The following MDGA2 variants were observed in gnomAD, a reference collection of about 807,000 sequenced individuals.
MDGA2 encodes the protein MAM domain-containing glycosylphosphatidylinositol anchor protein 2.
Under a neutral mutation model 117.8 loss-of-function variants are expected in MDGA2, and 40 were observed. The observed-to-expected ratio is 0.34, with a 90% CI of 0.26 to 0.44. The LOEUF (loss-of-function observed/expected upper bound fraction) is 0.44, where lower values mean the gene tolerates loss of function less well. MDGA2 is among the 20% of genes least tolerant of loss of function. MDGA2 has a pLI of 1.00. For synonymous variants in MDGA2, 452 were observed against 439.0 expected, an observed-to-expected ratio of 1.03 and a Z score of -0.37; for missense variants, 1,123 against 1,250.6, an observed-to-expected ratio of 0.90 and a Z score of 1.54.
At chr14:47,015,352 C>G (rs527243708) in intron 8 of MDGA2, among the ~76,000 whole-genome samples, 1 of 149,354 alleles carries the variant, frequency 6.7e-6, no homozygotes, top group Admixed American at 6.7e-5. Context: ...CATAGACTTG[C>G]TGGAAACGAA....
At chr14:47,625,589 T>C (rs568857359) in intron 1 of MDGA2, among the ~76,000 whole-genome samples, 105 of 152,314 alleles carry the variant, frequency 6.9e-4, no homozygotes, top group Non-Finnish European at 1.2e-3. Flanking sequence ...AATAGACATA[T>C]AAAGATTCAC....
intron 1 of MDGA2, among the ~76,000 whole-genome samples, chr14:47,343,910 T>C (rs1166146503): frequency 6.6e-6 from 1 of 152,194 alleles, no homozygotes; most frequent in Admixed American, 6.5e-5. Flanking sequence ...AGCTATTCAC[T>C]ATTCAATTCA....
intron 10 of MDGA2, among the ~76,000 whole-genome samples, chr14:46,894,134 C>G (rs12884275): frequency 8.6e-5 from 13 of 151,776 alleles, no homozygotes; most frequent in Non-Finnish European, 1.8e-4. Context: ...ATATTTTACA[C>G]ATTATTTTAA....
chr14:47,177,034 A>T (rs1212457926), intron 3 of MDGA2, among the ~76,000 whole-genome samples: 1 of 151,822 alleles, frequency 6.6e-6, no homozygotes, highest in Non-Finnish European at 1.5e-5. Context: ...TTATGCAGCC[A>T]AAAAACACAT....
At chr14:47,111,304 T>C (rs559224168) in intron 5 of MDGA2, among the ~76,000 whole-genome samples, 1 of 152,256 alleles carries the variant, frequency 6.6e-6, no homozygotes. Context: ...GTAGGTAAAC[T>C]CCAATGCAAA....
chr14:47,660,911 T>C (rs2138291255), intron 1 of MDGA2, among the ~76,000 whole-genome samples: 1 of 152,268 alleles, frequency 6.6e-6, no homozygotes, highest in South Asian at 2.1e-4. Flanking sequence ...GAGAGAGTCC[T>C]CAGTATGGGC....
chr14:47,003,140 A>G (rs1428456126), intron 8 of MDGA2, among the ~76,000 whole-genome samples: 2 of 152,176 alleles, frequency 1.3e-5, no homozygotes, highest in East Asian at 1.9e-4. Flanking sequence ...TCCATGAAGA[A>G]TAACTATTTT....
intron 1 of MDGA2, among the ~76,000 whole-genome samples, chr14:47,398,359 T>G (rs1892060808): frequency 6.6e-6 from 1 of 152,202 alleles, no homozygotes; most frequent in South Asian, 2.1e-4. Context: ...CAGGCAGACC[T>G]GGGTCCTAGT....
chr14:47,191,431 T>TAC (rs1462294096), intron 3 of MDGA2, among the ~76,000 whole-genome samples: 2 of 148,726 alleles, frequency 1.3e-5, no homozygotes, highest in African/African-American at 4.9e-5. Flanking sequence ...TATATATATA[T>TAC]ATATATGAAA....
intron 8 of MDGA2, among the ~76,000 whole-genome samples, chr14:47,033,534 T>C (rs1006650361): frequency 3.9e-5 from 6 of 152,218 alleles, no homozygotes; most frequent in Non-Finnish European, 8.8e-5. Flanking sequence ...AGTTTCACTC[T>C]CTTTCTTTTC....
chr14:46,972,036 T>A (rs928850946), intron 8 of MDGA2, among the ~76,000 whole-genome samples: 3 of 152,132 alleles, frequency 2.0e-5, no homozygotes, highest in Non-Finnish European at 2.9e-5. Flanking sequence ...TAGTCAACTA[T>A]CAAACCTGAG....
intron 1 of MDGA2, among the ~76,000 whole-genome samples, chr14:47,619,126 C>G (rs1458363215): frequency 7.6e-6 from 1 of 131,102 alleles, no homozygotes; most frequent in African/African-American, 2.5e-5. Flanking sequence ...TACACACACA[C>G]ACACACACAC....
intron 8 of MDGA2, 87 bp downstream of exon 8, chr14:47,034,924 A>G: frequency 8.1e-7 from 1 of 1,232,472 alleles, no homozygotes; most frequent in East Asian, 2.3e-5. Context: ...ATCTAGTTAC[A>G]AAAATCACCT....
chr14:47,542,015 G>A (rs1028357206), intron 1 of MDGA2, among the ~76,000 whole-genome samples: 1 of 152,006 alleles, frequency 6.6e-6, no homozygotes, highest in Non-Finnish European at 1.5e-5. Context: ...TCCTTACTTC[G>A]TCTAACACAA....
chr14:47,572,559 A>AG (rs1896040706), intron 1 of MDGA2, among the ~76,000 whole-genome samples: 1 of 152,168 alleles, frequency 6.6e-6, no homozygotes, highest in Admixed American at 6.5e-5. Flanking sequence ...GTCAATACTC[A>AG]GGTTTTTGCA....
intron 1 of MDGA2, among the ~76,000 whole-genome samples, chr14:47,405,229 C>T (rs1043966617): frequency 6.6e-6 from 1 of 152,014 alleles, no homozygotes; most frequent in African/African-American, 2.4e-5. Flanking sequence ...CTATAATGTG[C>T]CCTTCATCTT....
In MDGA2 at chr14:47,096,969, A is replaced by G; in HGVS notation, c.1080T>C (p.Asn360=). 6.2e-7 allele frequency: 1 copy of G among 1,613,362 alleles called. No homozygotes were observed. The highest frequency in any genetic ancestry group is 8.5e-7 in the Non-Finnish European group (1 of 1,179,504). The change falls in exon 6 of 17, where the codon AAT becomes AAC. Residue 360 remains asparagine, a synonymous_variant. Coordinates refer to ENST00000399232, the MANE Select transcript of MDGA2 (RefSeq NM_001113498.3). ...TGGCAGGTATGGTCAAAGTTCCTCC[A>G]TTCAAAACAGTCTTTTCAGGCAGAG... ...FGTLPEKTVL[N]GGTLTIPAIT...
rs879423703 is a variant in MDGA2, at chr14:46,899,603, GA to G, written c.2239-17383del. Among the ~76,000 whole-genome samples the G allele has an allele frequency of 1.4e-4, 20 of 146,034 alleles. 1 individual carries two copies. The highest frequency in any genetic ancestry group is 2.3e-4 in the African/African-American group (9 of 39,946). The stretch of plus-strand genomic sequence containing the variant: ...AGCTCAACCATGATAAATAATGATA[GA>G]AAAAAAAAACCTAGACCAGCTGAGG... On this transcript the variant is annotated intron_variant, in intron 10 of 16. Transcript: ENST00000399232.
chr14:47,008,008 G>C (rs1887769911), intron 8 of MDGA2, among the ~76,000 whole-genome samples: 1 of 151,712 alleles, frequency 6.6e-6, no homozygotes, highest in Admixed American at 6.6e-5. Flanking sequence ...TGTTTCATTT[G>C]TGACCTTTAT....
Sources: allele counts gnomAD v4.1 joint callset (sites outside exome capture counted in the v4.1 genomes callset), GRCh38; gene constraint gnomAD v4.1.1; transcripts MANE v1.5; gene names NCBI Gene and HGNC (gene_info 2026-07-23, HGNC 2026-07-21).